Variants in BCAS3 observed in about 807,000 individuals in gnomAD.
The protein encoded by BCAS3 is BCAS3 microtubule associated cell migration factor, also known as BCAS4/BCAS3 fusion.
BCAS3 carries 53 observed loss-of-function variants against 116.1 expected under a neutral mutation model. The observed-to-expected ratio is 0.46, with a 90% CI of 0.37 to 0.57. The LOEUF is 0.57. Ranked by LOEUF, BCAS3 falls within the 20% of genes least tolerant of loss-of-function variation. The pLI is 0.00. For synonymous variants in BCAS3, 391 were observed against 408.2 expected, an observed-to-expected ratio of 0.96 and a Z score of 0.51; for missense variants, 917 against 1,165.4, an observed-to-expected ratio of 0.79 and a Z score of 3.10.
At chr17:60,801,328 G>A (rs1031411725) in intron 6 of BCAS3, among the ~76,000 whole-genome samples, 1 of 151,606 alleles carries the variant, frequency 6.6e-6, no homozygotes, top group Admixed American at 6.6e-5. Flanking sequence ...ATATACTTTT[G>A]TATGCTGATC....
Position 61,077,679 on chromosome 17 carries a change from G to A in BCAS3, c.2131-654G>A, listed in dbSNP as rs1226227695. Among the ~76,000 whole-genome samples the A allele has an allele frequency of 6.6e-6, 1 of 152,078 alleles. No homozygotes were observed. The highest frequency in any genetic ancestry group is 1.5e-5 in the Non-Finnish European group (1 of 68,022). ...AGTTGAGAAAACACACTAATTAATG[G>A]TATTTGGAAGACAAAAATCTAGTTT... is the stretch of plus-strand genomic sequence containing the variant. On this transcript the variant is annotated intron_variant, in intron 20 of 23. Coordinates refer to ENST00000407086, the MANE Select transcript of BCAS3 (RefSeq NM_017679.5). This position sits in a 1 kb window ranked among gnomAD's most constrained non-coding sequence, Gnocchi z 4.3.
At chr17:60,968,701 G>T (rs2061789657) in intron 14 of BCAS3, among the ~76,000 whole-genome samples, 1 of 152,132 alleles carries the variant, frequency 6.6e-6, no homozygotes, top group Non-Finnish European at 1.5e-5. Flanking sequence ...CTGGCTAGGG[G>T]TTTGTGCCCA....
At position 61,041,273 on chromosome 17, in the gene BCAS3, A is replaced by G. The variant is rs1168477712; in HGVS notation, c.2029+381A>G. ...AAAAACCCCAAAACTTAGCACAGTT[A>G]AAAGTGCAACTATGAAAACAATGCC... On this transcript the variant is annotated intron_variant, in intron 19 of 23. Coordinates refer to ENST00000407086, the MANE Select transcript of BCAS3 (RefSeq NM_017679.5). The surrounding 1 kb of genome is among the most constrained non-coding windows in gnomAD (Gnocchi z 4.7). Among the ~76,000 whole-genome samples, 1 of 149,742 alleles carries G rather than the reference A, an allele frequency of 6.7e-6. No individual in the cohort carries two copies. The highest frequency in any genetic ancestry group is 2.5e-5 in the African/African-American group (1 of 39,346).
At chr17:61,099,766 T>G (rs992627273) in intron 22 of BCAS3, among the ~76,000 whole-genome samples, 1 of 152,230 alleles carries the variant, frequency 6.6e-6, no homozygotes, top group East Asian at 1.9e-4. Context: ...TTGAAAAGAA[T>G]GGACAGGCTT....
chr17:60,850,394 T>C (rs7214342), intron 7 of BCAS3, among the ~76,000 whole-genome samples: 35,938 of 139,260 alleles, frequency 0.26, 7,887 homozygotes, highest in African/African-American at 0.62. Context: ...TTTTTGCTCT[T>C]GTTGCCCAGG....
At chr17:60,724,123 A>G (rs1459961351) in intron 5 of BCAS3, among the ~76,000 whole-genome samples, 5 of 151,588 alleles carry the variant, frequency 3.3e-5, no homozygotes. Flanking sequence ...TACTCTAAGG[A>G]CATGCAAATA....
At chr17:60,952,477 G>T (rs7222925) in intron 14 of BCAS3, among the ~76,000 whole-genome samples, 29,538 of 151,668 alleles carry the variant, frequency 0.19, 3,297 homozygotes, top group African/African-American at 0.32. Flanking sequence ...CCAACAGCAT[G>T]CCCAGCTAAT....
In BCAS3 at chr17:61,251,504, A is replaced by G. The variant is rs567884519; in HGVS notation, c.2426-116823A>G. Among the ~76,000 whole-genome samples, 2 of 151,786 alleles carry G rather than the reference A, an allele frequency of 1.3e-5. No homozygotes were observed. Among genetic ancestry groups the G allele is most frequent in the Non-Finnish European group, 2.9e-5 (2 of 67,958 alleles). ...AGAATCACTTGAACGCGGGATGCAG[A>G]GGTTGCAGTGAGCCGAGATTGCGCC... On this transcript the variant is annotated intron_variant, in intron 22 of 23. Coordinates refer to ENST00000407086, the MANE Select transcript of BCAS3 (RefSeq NM_017679.5). The surrounding 1 kb of genome is among the most constrained non-coding windows in gnomAD (Gnocchi z 4.7).
chr17:60,983,189 A>T (rs544738269), intron 14 of BCAS3, among the ~76,000 whole-genome samples: 14 of 152,312 alleles, frequency 9.2e-5, no homozygotes, highest in Admixed American at 7.2e-4. Flanking sequence ...GTGCTGTAGA[A>T]TTAAATCAGT....
rs1044912753 is a variant in BCAS3 at position 61,023,329 on chromosome 17, A to G, written c.1637+7428A>G. Among the ~76,000 whole-genome samples, 13 of 152,182 alleles carry G rather than the reference A, an allele frequency of 8.5e-5. No homozygotes were observed. Among genetic ancestry groups the G allele is most frequent in the African/African-American group, 1.2e-4 (5 of 41,456 alleles). The stretch of plus-strand genomic sequence containing the variant: ...TCTCTGTTTATTACATTTAATATTT[A>G]TATGGGCTCATTCTGATGTCTGTTC... On this transcript the variant is annotated intron_variant, in intron 16 of 23. Transcript: ENST00000407086. The surrounding 1 kb of genome is among the most constrained non-coding windows in gnomAD (Gnocchi z 4.8).
At chr17:61,170,777 G>A (rs2078798979) in intron 22 of BCAS3, among the ~76,000 whole-genome samples, 1 of 152,140 alleles carries the variant, frequency 6.6e-6, no homozygotes, top group African/African-American at 2.4e-5. Flanking sequence ...GAGGTGGGAG[G>A]TTGAGGAGGC....
At chr17:60,863,108 AT>A (rs1184166774) in intron 7 of BCAS3, among the ~76,000 whole-genome samples, 1 of 152,042 alleles carries the variant, frequency 6.6e-6, no homozygotes, top group East Asian at 1.9e-4. Flanking sequence ...GAGCAATTTA[AT>A]TTTTTTCATA....
Position 61,037,977 on chromosome 17 carries a change from C to T in BCAS3, c.1851C>T (p.Leu617=), listed in dbSNP as rs976579928. ...LVEHMMEPRP[L]STAPKISDDT... is the part of the protein sequence containing the mutation. ...AACACATGATGGAGCCGCGACCCCT[C>T]AGCACTGCACCCAAGATTAGTGACG... Residue 617 remains leucine, a synonymous_variant, in exon 18 of 24, where the codon CTC becomes CTT. Transcript: ENST00000407086. This position sits in a 1 kb window ranked among gnomAD's most constrained non-coding sequence, Gnocchi z 4.7. 2 of 1,614,168 alleles carry T rather than the reference C, an allele frequency of 1.2e-6. No individual in the cohort carries two copies. Among genetic ancestry groups the T allele is most frequent in the African/African-American group, 1.3e-5 (1 of 75,042 alleles).
intron 22 of BCAS3, among the ~76,000 whole-genome samples, chr17:61,210,708 GT>G (rs2081407514): frequency 6.6e-6 from 1 of 152,100 alleles, no homozygotes; most frequent in Admixed American, 6.5e-5. Context: ...GGATCACAAA[GT>G]GTTTCCCTAA....
At chr17:60,920,153 G>A (rs2058996715) in intron 12 of BCAS3, among the ~76,000 whole-genome samples, 3 of 152,146 alleles carry the variant, frequency 2.0e-5, no homozygotes, top group Non-Finnish European at 4.4e-5. Context: ...AATCATAGAT[G>A]AAAACCTAGG....
intron 7 of BCAS3, among the ~76,000 whole-genome samples, chr17:60,852,601 T>C (rs1406376296): frequency 6.6e-6 from 1 of 152,180 alleles, no homozygotes; most frequent in Non-Finnish European, 1.5e-5. Flanking sequence ...AATTGAAATG[T>C]CTGTACTGAT....
chr17:60,729,525 AG>A (rs1348062016), intron 5 of BCAS3, among the ~76,000 whole-genome samples: 1 of 152,296 alleles, frequency 6.6e-6, no homozygotes, highest in East Asian at 1.9e-4. Context: ...TGATGTTGTC[AG>A]TCATTAAAAA....
chr17:60,780,805 T>TG (rs2045758905), intron 6 of BCAS3, among the ~76,000 whole-genome samples: 1 of 152,222 alleles, frequency 6.6e-6, no homozygotes, highest in Non-Finnish European at 1.5e-5. Context: ...GTCCTTTTTA[T>TG]CCTTCTTTGA....
intron 22 of BCAS3, among the ~76,000 whole-genome samples, chr17:61,091,708 T>C (rs2073584055): frequency 6.6e-6 from 1 of 152,124 alleles, no homozygotes; most frequent in African/African-American, 2.4e-5. Flanking sequence ...CTAAAGTAAA[T>C]AATCAAAATG....
Sources: gnomAD v4.1 joint callset for allele counts (sites outside exome capture counted in the v4.1 genomes callset) on GRCh38, gnomAD v4.1.1 for gene constraint, Gnocchi (gnomAD v3.1) non-coding constraint, MANE v1.5 for transcripts, NCBI Gene and HGNC (gene_info 2026-07-23, HGNC 2026-07-21) for gene names.